Variants in OR1J2 observed in about 807,000 individuals in gnomAD.
OR1J2 encodes the protein olfactory receptor family 1 subfamily J member 2, also known as olfactory receptor 1J2.
For missense variants in OR1J2, 304 were observed against 246.1 expected (o/e 1.24, Z -1.57); for synonymous variants, 142 against 99.7 (o/e 1.42, Z -2.52).
chr9:122,567,358 C>A, the OR1J2 span: 1 of 450,338 alleles, frequency 2.2e-6, no homozygotes, highest in Non-Finnish European at 3.9e-6. Context: ...AGACAGGAAA[C>A]GATTGTGATT....
chr9:122,485,185 T>A, the OR1J2 span, among the ~76,000 whole-genome samples: 2 of 152,178 alleles, frequency 1.3e-5, no homozygotes, highest in Admixed American at 6.5e-5. Context: ...TGAAAATTCA[T>A]GCCAAATGGT....
the OR1J2 span, among the ~76,000 whole-genome samples, chr9:122,531,826 G>T: frequency 6.6e-6 from 1 of 152,194 alleles, no homozygotes; most frequent in African/African-American, 2.4e-5. Context: ...GAGGAATTAT[G>T]TCTGACAGAA....
the OR1J2 span, among the ~76,000 whole-genome samples, chr9:122,552,079 T>TCTCTGTCACA: frequency 7.0e-6 from 1 of 142,212 alleles, no homozygotes; most frequent in Middle Eastern, 3.6e-3. Context: ...TCTCTCTCTC[T>TCTCTGTCACA]CACACACACA....
chr9:122,518,190 G>T, the OR1J2 span, among the ~76,000 whole-genome samples: 1 of 152,200 alleles, frequency 6.6e-6, no homozygotes, highest in African/African-American at 2.4e-5. Flanking sequence ...GGTAGATAGT[G>T]GCTGTGGAGG....
chr9:122,495,896 C>T, the OR1J2 span, among the ~76,000 whole-genome samples: 1 of 152,154 alleles, frequency 6.6e-6, no homozygotes, highest in Non-Finnish European at 1.5e-5. Context: ...ATGTGGTGCT[C>T]TCCCCCTTCC....
the OR1J2 span, chr9:122,567,849 G>T: frequency 6.2e-7 from 1 of 1,613,982 alleles, no homozygotes; most frequent in Non-Finnish European, 8.5e-7. Context: ...GAGAAAACGA[G>T]TCACCAAAAC....
At chr9:122,495,518 G>A in the OR1J2 span, among the ~76,000 whole-genome samples, 86 of 151,938 alleles carry the variant, frequency 5.7e-4, no homozygotes, top group African/African-American at 2.0e-3. Flanking sequence ...CTCTATGTGT[G>A]TCCTTGATTT....
the OR1J2 span, among the ~76,000 whole-genome samples, chr9:122,534,116 G>A: frequency 3.9e-5 from 6 of 152,108 alleles, no homozygotes; most frequent in Non-Finnish European, 4.4e-5. Context: ...TGGGGGAGGC[G>A]GGCCTGGAGG....
At chr9:122,519,800 C>G in the OR1J2 span, 1 of 1,614,196 alleles carries the variant, frequency 6.2e-7, no homozygotes, top group African/African-American at 1.3e-5. Context: ...CTTATGGCCA[C>G]ATTGGGGTCA....
At chr9:122,548,459 T>G in the OR1J2 span, among the ~76,000 whole-genome samples, 19 of 152,194 alleles carry the variant, frequency 1.2e-4, no homozygotes, top group African/African-American at 4.6e-4. Context: ...GCAATCTTCT[T>G]GCACCTGCTG....
the OR1J2 span, among the ~76,000 whole-genome samples, chr9:122,560,946 A>T: frequency 6.6e-5 from 10 of 152,244 alleles, no homozygotes; most frequent in East Asian, 1.9e-3. Context: ...CATTCTTCCC[A>T]TCTCTTTCAG....
the OR1J2 span, among the ~76,000 whole-genome samples, chr9:122,473,230 C>G: frequency 5.3e-4 from 80 of 151,552 alleles, no homozygotes; most frequent in Non-Finnish European, 1.1e-3. Context: ...CAATCTGTAA[C>G]AAACATCTCA....
chr9:122,526,529 A>G, the OR1J2 span: 19 of 1,605,168 alleles, frequency 1.2e-5, no homozygotes, highest in South Asian at 1.9e-4. Context: ...ACAGGTAGGC[A>G]CTGAAGAGGG....
chr9:122,466,882 G>A, the OR1J2 span, among the ~76,000 whole-genome samples: 4 of 151,926 alleles, frequency 2.6e-5, no homozygotes, highest in Non-Finnish European at 4.4e-5. Context: ...GCAGTGGTGC[G>A]ATCTCGGCAC....
the OR1J2 span, among the ~76,000 whole-genome samples, chr9:122,520,849 T>C: frequency 6.6e-6 from 1 of 152,254 alleles, no homozygotes; most frequent in Non-Finnish European, 1.5e-5. Context: ...TTGTATTATA[T>C]GCCCAAGTCA....
the OR1J2 span, among the ~76,000 whole-genome samples, chr9:122,493,975 T>A: frequency 1.3e-5 from 2 of 152,226 alleles, no homozygotes; most frequent in African/African-American, 4.8e-5. Flanking sequence ...TTAATTTCCA[T>A]ATATTTGCAT....
the OR1J2 span, among the ~76,000 whole-genome samples, chr9:122,481,246 T>A: frequency 6.6e-6 from 1 of 152,208 alleles, no homozygotes; most frequent in Non-Finnish European, 1.5e-5. Context: ...TTTGGCTTCA[T>A]CCATGTCCCT....
At chr9:122,545,669 C>G in the OR1J2 span, among the ~76,000 whole-genome samples, 1 of 151,950 alleles carries the variant, frequency 6.6e-6, no homozygotes, top group Non-Finnish European at 1.5e-5. Flanking sequence ...TGTGTTATTT[C>G]TTACCACTGT....
chr9:122,529,046 T>A, the OR1J2 span, among the ~76,000 whole-genome samples: 1 of 152,252 alleles, frequency 6.6e-6, no homozygotes. Flanking sequence ...CTGTTTGTAT[T>A]CTGAAGTGGA....
Sources: allele counts gnomAD v4.1 joint callset (sites outside exome capture counted in the v4.1 genomes callset), GRCh38; gene constraint gnomAD v4.1.1; transcripts MANE v1.5; gene names NCBI Gene and HGNC (gene_info 2026-07-23, HGNC 2026-07-21).